Variants in CFAP61 observed in about 807,000 individuals in gnomAD.
CFAP61 encodes cilia and flagella associated protein 61.
In CFAP61, 107 loss-of-function variants were observed where a neutral mutation model predicts 135.6. The observed-to-expected ratio is 0.79, with a 90% CI of 0.67 to 0.93. The LOEUF (loss-of-function observed/expected upper bound fraction) is 0.93. Among genes scored for constraint, CFAP61 ranks in the 40% least tolerant of loss-of-function variants. The pLI is 0.00. For synonymous variants in CFAP61, 575 were observed against 578.5 expected (o/e 0.99, Z 0.09); for missense variants, 1,507 against 1,556.2 (o/e 0.97, Z 0.53).
At chr20:20,185,851 G>A (rs2055458617) in intron 13 of CFAP61, among the ~76,000 whole-genome samples, 1 of 152,100 alleles carries the variant, frequency 6.6e-6, no homozygotes, top group East Asian at 1.9e-4. Context: ...TATCTTCCTA[G>A]TGAACTTTTA....
chr20:20,335,817 G>A (rs2058166208), intron 25 of CFAP61, among the ~76,000 whole-genome samples: 1 of 152,210 alleles, frequency 6.6e-6, no homozygotes, highest in South Asian at 2.1e-4. Flanking sequence ...GGAAACTGGG[G>A]TGATTAAGAG....
At chr20:20,263,162 G>T in intron 21 of CFAP61, 32 bp downstream of exon 21, 1 of 1,517,854 alleles carries the variant, frequency 6.6e-7, no homozygotes, top group South Asian at 1.3e-5. Flanking sequence ...CATCTCTTCA[G>T]AATAGCGTTT....
chr20:20,298,519 C>T (rs2055817458), intron 25 of CFAP61, 133 bp downstream of exon 25: 3 of 748,658 alleles, frequency 4.0e-6, no homozygotes, highest in Non-Finnish European at 6.6e-6. Context: ...GCAGAGATTT[C>T]GTTCTAATGA....
chr20:20,345,507 A>G (rs1447040070), intron 26 of CFAP61, among the ~76,000 whole-genome samples: 3 of 152,358 alleles, frequency 2.0e-5, no homozygotes, highest in Middle Eastern at 3.4e-3. Flanking sequence ...ATTAACTATC[A>G]TATCCTAGAG....
chr20:20,262,268 C>T (rs932398094), intron 20 of CFAP61, among the ~76,000 whole-genome samples: 1 of 152,156 alleles, frequency 6.6e-6, no homozygotes, highest in African/African-American at 2.4e-5. Flanking sequence ...GTGGAAGAGG[C>T]ACTGCTCAAC....
At chr20:20,075,655 T>A (rs2045997543) in intron 6 of CFAP61, 40 bp downstream of exon 6, 2 of 1,607,364 alleles carry the variant, frequency 1.2e-6, no homozygotes, top group Admixed American at 1.7e-5. Context: ...TAAGCTTCAC[T>A]GGGACAGTCA....
intron 25 of CFAP61, among the ~76,000 whole-genome samples, chr20:20,327,233 ACTTT>A (rs1431890258): frequency 6.6e-6 from 1 of 152,072 alleles, no homozygotes; most frequent in Non-Finnish European, 1.5e-5. Flanking sequence ...CAATACTTCT[ACTTT>A]CTATTTATTT....
chr20:20,077,147 CA>C (rs1212312444), intron 6 of CFAP61, among the ~76,000 whole-genome samples: 2 of 151,970 alleles, frequency 1.3e-5, no homozygotes, highest in Non-Finnish European at 2.9e-5. Flanking sequence ...CTCCTCCGCC[CA>C]AAAAAACCCC....
chr20:20,217,582 A>ATCGT (rs2048122882), intron 17 of CFAP61, among the ~76,000 whole-genome samples: 1 of 152,228 alleles, frequency 6.6e-6, no homozygotes. Flanking sequence ...TGCCACTGCT[A>ATCGT]TCGTTGTTCT....
At position 20,296,024 on chromosome 20, in the gene CFAP61, TTCTTTCTTTTCTTCCTCCC is replaced by T. The variant is rs2055427983; in HGVS notation, c.3217-2154_3217-2136del. On this transcript the variant is annotated intron_variant, in intron 24 of 26. Coordinates refer to ENST00000245957, the MANE Select transcript of CFAP61 (RefSeq NM_015585.4). ...TTCCTTCCTTCCCTCCTTTCCTTCC[TTCTTTCTTTTCTTCCTCCC>T]TCCCTTCCTTCCCTTCCTTCCCTTC... Among the ~76,000 whole-genome samples the T allele has an allele frequency of 6.5e-5, 5 of 76,688 alleles. 1 individual carries two copies. The highest frequency in any genetic ancestry group is 3.8e-4 in the Admixed American group (3 of 7,858). The allele number at this position is 76,688 out of a possible 152,430, so 50.3% of individuals were successfully genotyped here.
At chr20:20,233,205 T>C (rs2049293827) in intron 18 of CFAP61, among the ~76,000 whole-genome samples, 1 of 152,204 alleles carries the variant, frequency 6.6e-6, no homozygotes, top group Non-Finnish European at 1.5e-5. Context: ...TTAATTAGGC[T>C]TTTTATCTTT....
chr20:20,345,719 G>C (rs911744370), intron 26 of CFAP61, among the ~76,000 whole-genome samples: 2 of 151,890 alleles, frequency 1.3e-5, no homozygotes, highest in East Asian at 3.9e-4. Flanking sequence ...TCAGGAGTTC[G>C]AGACTAGCCT....
intron 25 of CFAP61, among the ~76,000 whole-genome samples, chr20:20,339,621 C>T (rs2058361747): frequency 6.6e-6 from 1 of 151,994 alleles, no homozygotes; most frequent in East Asian, 1.9e-4. Context: ...AGGCATATGT[C>T]ACCACCACAC....
intron 8 of CFAP61, among the ~76,000 whole-genome samples, chr20:20,120,993 C>T (rs569293756): frequency 3.9e-5 from 6 of 152,112 alleles, no homozygotes; most frequent in East Asian, 3.9e-4. Flanking sequence ...TTTTCCACTT[C>T]CATTTTCAGT....
chr20:20,165,851 A>C (rs895337533), intron 11 of CFAP61, among the ~76,000 whole-genome samples: 2 of 152,174 alleles, frequency 1.3e-5, no homozygotes, highest in African/African-American at 4.8e-5. Flanking sequence ...AATTCTTTTT[A>C]TTCTAATTAT....
At chr20:20,259,472 C>T (rs1411162429) in intron 20 of CFAP61, among the ~76,000 whole-genome samples, 1 of 150,478 alleles carries the variant, frequency 6.6e-6, no homozygotes, top group East Asian at 1.9e-4. Context: ...TGAGATCTCC[C>T]ATGTTTCCCA....
At chr20:20,233,812 A>G (rs775918334) in intron 18 of CFAP61, among the ~76,000 whole-genome samples, 2 of 152,190 alleles carry the variant, frequency 1.3e-5, no homozygotes, top group East Asian at 1.9e-4. Flanking sequence ...TCATACCCAC[A>G]TTAGAGACTC....
intron 8 of CFAP61, among the ~76,000 whole-genome samples, chr20:20,110,794 G>C (rs1313609640): frequency 6.6e-6 from 1 of 152,130 alleles, no homozygotes; most frequent in East Asian, 1.9e-4. Flanking sequence ...ACTCACACTT[G>C]ATCTATTGTG....
At chr20:20,355,102 TG>T (rs1330221172) in intron 26 of CFAP61, among the ~76,000 whole-genome samples, 14 of 132,238 alleles carry the variant, frequency 1.1e-4, no homozygotes, top group African/African-American at 3.8e-4. Context: ...GGTCACACTG[TG>T]TGAGGGGAGG....
Sources: allele counts gnomAD v4.1 joint callset (sites outside exome capture counted in the v4.1 genomes callset), GRCh38; gene constraint gnomAD v4.1.1; transcripts MANE v1.5; gene names NCBI Gene and HGNC (gene_info 2026-07-23, HGNC 2026-07-21).